Variants in USP34 observed in about 807,000 individuals in gnomAD.
USP34 encodes the protein ubiquitin specific peptidase 34.
USP34 carries 70 observed loss-of-function variants against 460.3 expected under a neutral mutation model. That is an observed-to-expected ratio of 0.15 (90% CI 0.13 to 0.19). The LOEUF (loss-of-function observed/expected upper bound fraction) is 0.19, where lower values mean the gene tolerates loss of function less well. Among genes scored for constraint, USP34 ranks in the 10% least tolerant of loss-of-function variants. USP34 has a pLI of 1.00. For synonymous variants in USP34, 1,647 were observed against 1,405.3 expected, an observed-to-expected ratio of 1.17 and a Z score of -3.85; for missense variants, 3,985 against 4,236.2, an observed-to-expected ratio of 0.94 and a Z score of 1.65.
At chr2:61,324,552 T>G (rs1195720393) in intron 21 of USP34, among the ~76,000 whole-genome samples, 1 of 152,102 alleles carries the variant, frequency 6.6e-6, no homozygotes, top group Non-Finnish European at 1.5e-5. Flanking sequence ...GCAGGAAGAC[T>G]GTTTGGGCCC....
At chr2:61,430,036 A>C (rs1209546174) in intron 1 of USP34, among the ~76,000 whole-genome samples, 1 of 151,874 alleles carries the variant, frequency 6.6e-6, no homozygotes, top group African/African-American at 2.4e-5. Flanking sequence ...ACACGGTGAA[A>C]CCCCCCGTCT....
chr2:61,466,841 G>C (rs1029353235), intron 1 of USP34, among the ~76,000 whole-genome samples: 1 of 151,854 alleles, frequency 6.6e-6, no homozygotes, highest in African/African-American at 2.4e-5. Flanking sequence ...GAATCCGGGA[G>C]GTGGAGGTTG....
At position 61,245,922 on chromosome 2, in the gene USP34, G is replaced by C. The variant is rs141000095; in HGVS notation, c.6548+402C>G. Among the ~76,000 whole-genome samples, 13 of 152,262 alleles carry C rather than the reference G, an allele frequency of 8.5e-5. No individual in the cohort carries two copies. In the East Asian group the frequency reaches 2.5e-3, roughly 29 times the overall value. On this transcript the variant is annotated intron_variant, in intron 50 of 79. Transcript: ENST00000398571. ...CTTCCAACCATTAACTTGATAAAAGGATAAAAAGAAGTGTGTGTGGTCCTC... is the reference window on the plus strand; with the variant it reads ...CTTCCAACCATTAACTTGATAAAAGCATAAAAAGAAGTGTGTGTGGTCCTC...
At chr2:61,212,004 T>G in intron 68 of USP34, 75 bp from the exon 69 acceptor site, 2 of 1,435,108 alleles carry the variant, frequency 1.4e-6, no homozygotes, top group South Asian at 1.4e-5. Flanking sequence ...ATTTCTACGT[T>G]CATTAATCAA....
At chr2:61,196,068 G>GTTTTTT (rs1558460264) in intron 75 of USP34, among the ~76,000 whole-genome samples, 23 of 47,034 alleles carry the variant, frequency 4.9e-4, no homozygotes, top group Non-Finnish European at 7.4e-4. Context: ...CACCATGCAC[G>GTTTTTT]ATTTTTTTTT....
chr2:61,391,676 T>C (rs535801905), intron 5 of USP34, among the ~76,000 whole-genome samples: 7 of 152,220 alleles, frequency 4.6e-5, no homozygotes, highest in African/African-American at 9.6e-5. Context: ...AGAAAAGGAA[T>C]AGACATACAA....
intron 41 of USP34, among the ~76,000 whole-genome samples, chr2:61,275,467 T>A (rs1388263033): frequency 6.6e-6 from 1 of 151,392 alleles, no homozygotes; most frequent in Non-Finnish European, 1.5e-5. Flanking sequence ...AATAAATAAA[T>A]AAATAAATTA....
At chr2:61,248,906 C>A (rs1033559954) in intron 48 of USP34, among the ~76,000 whole-genome samples, 3 of 152,140 alleles carry the variant, frequency 2.0e-5, no homozygotes, top group African/African-American at 7.2e-5. Flanking sequence ...AACCAACATA[C>A]CTATGACAAA....
chr2:61,367,347 T>C (rs1692473071), intron 10 of USP34, among the ~76,000 whole-genome samples: 1 of 152,122 alleles, frequency 6.6e-6, no homozygotes. Context: ...CAAATGCAAT[T>C]TGCCAGGTGG....
Position 61,317,239 on chromosome 2 carries a change from G to C in USP34, c.3282+415C>G, listed in dbSNP as rs552167196. On this transcript the variant is annotated intron_variant, in intron 23 of 79. Transcript: ENST00000398571. ...ATAAAACTTTTGAAACCAGAGAACA[G>C]AATTGGGCTGAGCACGTTGGCTCAT... Among the ~76,000 whole-genome samples the C allele has an allele frequency of 1.6e-4, 24 of 152,134 alleles. No individual in the cohort carries two copies. In the South Asian group the frequency reaches 4.8e-3, roughly 30 times the overall value.
chr2:61,340,780 G>T (rs1352297806), intron 16 of USP34, among the ~76,000 whole-genome samples: 2 of 150,640 alleles, frequency 1.3e-5, no homozygotes, highest in African/African-American at 4.9e-5. Flanking sequence ...ATTGAGTTAT[G>T]AAATTATTTT....
chr2:61,357,777 C>T (rs1012086910), intron 10 of USP34, among the ~76,000 whole-genome samples: 1 of 152,186 alleles, frequency 6.6e-6, no homozygotes, highest in Non-Finnish European at 1.5e-5. Flanking sequence ...GTGGCACAAG[C>T]CTGTAGTCCT....
chr2:61,285,577 C>T (rs1476658018), intron 34 of USP34, among the ~76,000 whole-genome samples: 1 of 151,476 alleles, frequency 6.6e-6, no homozygotes, highest in Non-Finnish European at 1.5e-5. Flanking sequence ...TCTTTACATT[C>T]GATTCATAGA....
chr2:61,265,880 T>C (rs1200493399), intron 42 of USP34, 104 bp downstream of exon 42: 1 of 1,074,116 alleles, frequency 9.3e-7, no homozygotes, highest in Admixed American at 3.0e-5. Flanking sequence ...TCATTTATAA[T>C]GTTAAAGTGT....
Position 61,187,724 on chromosome 2 carries a change from G to A in USP34, c.*378C>T, listed in dbSNP as rs371160915. 18 of 457,082 alleles carry A rather than the reference G, an allele frequency of 3.9e-5. No individual in the cohort carries two copies. The highest frequency in any genetic ancestry group is 4.8e-5 in the Non-Finnish European group (16 of 334,728). The allele number at this position is 457,082 out of a possible 1,614,324, so 28.3% of individuals were successfully genotyped here. ...GAACCACAGCGATCGGAGGCAATCT[G>A]CCTCTATAAGGTACAAAACTGGCAC... On this transcript the variant is annotated 3_prime_UTR_variant, in exon 80 of 80. Transcript: ENST00000398571.
chr2:61,228,836 A>C lies in USP34; in HGVS notation c.7359T>G (p.Gly2453=). The C allele has an allele frequency of 6.3e-7, 1 of 1,595,978 alleles. No homozygotes were observed. Among genetic ancestry groups the C allele is most frequent in the Non-Finnish European group, 8.5e-7 (1 of 1,171,372 alleles). ...FAFLYEFAKM[G]EEESQFLLSL... ...CAAGATATAGCCTCACCTCTTCTTC[A>C]CCCATTTTTGCAAATTCGTAAAGGA... The change falls in exon 60 of 80, where the codon GGT becomes GGG. Residue 2453 remains glycine, a synonymous_variant. Transcript: ENST00000398571.
rs190209368 is a variant in USP34 at position 61,313,794 on chromosome 2, G to C, written c.3542+791C>G. 4.9e-4 allele frequency among the ~76,000 whole-genome samples: 74 copies of C among 152,008 alleles called. 1 individual carries two copies. In the East Asian group the frequency reaches 0.014, roughly 29 times the overall value. ...AATCATGGAAGCATGTTATTTATAA[G>C]GAATGTATAAAATATCTTTACTATG... On this transcript the variant is annotated intron_variant, in intron 25 of 79. Transcript: ENST00000398571.
At chr2:61,405,660 A>T in intron 3 of USP34, 48 bp downstream of exon 3, 1 of 1,456,744 alleles carries the variant, frequency 6.9e-7, no homozygotes, top group Non-Finnish European at 9.2e-7. Context: ...CAGACTGCGA[A>T]GTTAAGACTT....
chr2:61,329,430 A>C (rs535795677), intron 20 of USP34, among the ~76,000 whole-genome samples: 1 of 152,228 alleles, frequency 6.6e-6, no homozygotes, highest in African/African-American at 2.4e-5. Context: ...CTGACTTGGA[A>C]TAACAGTTAG....
Sources: gnomAD v4.1 joint callset for allele counts (sites outside exome capture counted in the v4.1 genomes callset) on GRCh38, gnomAD v4.1.1 for gene constraint, MANE v1.5 for transcripts, NCBI Gene and HGNC (gene_info 2026-07-23, HGNC 2026-07-21) for gene names.